Variants in TTL observed in about 807,000 individuals in gnomAD.
TTL encodes tubulin--tyrosine ligase.
Under a neutral mutation model 41.1 loss-of-function variants are expected in TTL, and 10 were observed. The ratio of observed to expected loss-of-function variants is 0.24; its 90% CI spans 0.15 to 0.41. TTL has a LOEUF of 0.41. Among genes scored for constraint, TTL ranks in the 10% least tolerant of loss-of-function variants. TTL has a pLI of 1.00. For synonymous variants in TTL, 175 were observed against 175.5 expected, an observed-to-expected ratio of 1.00 and a Z score of 0.02; for missense variants, 367 against 460.4, an observed-to-expected ratio of 0.80 and a Z score of 1.86.
intron 2 of TTL, among the ~76,000 whole-genome samples, chr2:112,487,552 T>C (rs994307813): frequency 1.3e-5 from 2 of 152,200 alleles, no homozygotes; most frequent in African/African-American, 4.8e-5. Flanking sequence ...TTTGCAGTTA[T>C]AGTGAAGCAG....
At chr2:112,528,502 A>G (rs1420872542) in intron 6 of TTL, among the ~76,000 whole-genome samples, 179 bp from the exon 7 acceptor site, 1 of 152,146 alleles carries the variant, frequency 6.6e-6, no homozygotes, top group African/African-American at 2.4e-5. Flanking sequence ...TGGGAGGCTA[A>G]GGTGGGAGGA....
At chr2:112,502,402 C>CA (rs1017099569) in intron 4 of TTL, among the ~76,000 whole-genome samples, 1 of 151,920 alleles carries the variant, frequency 6.6e-6, no homozygotes, top group African/African-American at 2.4e-5. Flanking sequence ...TTTGAGAGGC[C>CA]AAGGTGGGTG....
At chr2:112,487,390 A>C (rs1681269998) in intron 2 of TTL, among the ~76,000 whole-genome samples, 1 of 152,230 alleles carries the variant, frequency 6.6e-6, no homozygotes, top group African/African-American at 2.4e-5. Context: ...GGAATCAGGA[A>C]TAGAAGTGGG....
Position 112,541,338 on chromosome 2 carries a change from A to G in TTL, c.*12543A>G, listed in dbSNP as rs536975217. On this transcript the variant is annotated 3_prime_UTR_variant, in exon 7 of 7. Transcript: ENST00000233336. Reference sequence around the variant, plus strand: ...GATCTGACAAGGACTAGTATAGGCTATATAAAGAACTACAACTACTCAGTT... The same window carrying G: ...GATCTGACAAGGACTAGTATAGGCTGTATAAAGAACTACAACTACTCAGTT... 1 of 152,174 alleles carries G rather than the reference A, an allele frequency of 6.6e-6. No individual in the cohort carries two copies. Among genetic ancestry groups the G allele is most frequent in the African/African-American group, 2.4e-5 (1 of 41,436 alleles). The allele number at this position is 152,174 out of a possible 1,614,324, so 9.4% of individuals were successfully genotyped here. A position where few individuals can be genotyped will look rare whatever the true frequency, so the allele number is the denominator to read the frequency against.
intron 1 of TTL, 28 bp from the exon 2 acceptor site, chr2:112,485,889 C>A: frequency 6.4e-7 from 1 of 1,573,752 alleles, no homozygotes; most frequent in Non-Finnish European, 8.5e-7. Context: ...GTCCTGTGTC[C>A]CTTCTGAGCC....
At chr2:112,517,534 C>T (rs1682101945) in intron 5 of TTL, among the ~76,000 whole-genome samples, 1 of 151,812 alleles carries the variant, frequency 6.6e-6, no homozygotes, top group Non-Finnish European at 1.5e-5. Flanking sequence ...CGGGCATGAG[C>T]CACTGTGTCC....
At chr2:112,485,853 C>A in intron 1 of TTL, 64 bp from the exon 2 acceptor site, 1 of 1,401,164 alleles carries the variant, frequency 7.1e-7, no homozygotes, top group Non-Finnish European at 9.8e-7. Context: ...GGGCATGACA[C>A]AGCTGTCCTC....
Position 112,516,629 on chromosome 2 carries a change from G to A in TTL, c.876-3653G>A, listed in dbSNP as rs186950923. Among the ~76,000 whole-genome samples, 5 of 152,182 alleles carry A rather than the reference G, an allele frequency of 3.3e-5. No individual in the cohort carries two copies. In the South Asian group the frequency reaches 1.0e-3, roughly 32 times the overall value. On this transcript the variant is annotated intron_variant, in intron 5 of 6. Transcript: ENST00000233336. ...GTGGAGGTTGCAGTGAGCCAAGATC[G>A]CATCACTGCACTCCAGCCTGAGCAA...
At chr2:112,483,481 C>T (rs1237311373) in intron 1 of TTL, 1 of 152,218 alleles carries the variant, frequency 6.6e-6, no homozygotes, top group African/African-American at 2.4e-5. Flanking sequence ...AATTGTATTC[C>T]AAAGACAAGG....
chr2:112,529,124 A>C lies in TTL; in HGVS notation c.*329A>C, dbSNP rs765225972. 6.5e-5 allele frequency: 28 copies of C among 428,042 alleles called. No homozygotes were observed. Among genetic ancestry groups the C allele is most frequent in the African/African-American group, 4.1e-4 (21 of 51,156 alleles). 26.5% of individuals were successfully genotyped at this position (428,042 alleles called of 1,614,324 possible). A position where few individuals can be genotyped will look rare whatever the true frequency, so the allele number is the denominator to read the frequency against. Reference sequence around the variant, plus strand: ...CTGGTCGGTGCCTCCCACCCACTGCAGCCCTAGTGCCTTAGCTCCATGCCC... The same window carrying C: ...CTGGTCGGTGCCTCCCACCCACTGCCGCCCTAGTGCCTTAGCTCCATGCCC... On this transcript the variant is annotated 3_prime_UTR_variant, in exon 7 of 7. Coordinates refer to ENST00000233336, the MANE Select transcript of TTL (RefSeq NM_153712.5).
chr2:112,497,945 T>C (rs959205593), intron 3 of TTL, among the ~76,000 whole-genome samples: 3 of 152,240 alleles, frequency 2.0e-5, no homozygotes, highest in Non-Finnish European at 4.4e-5. Flanking sequence ...AGTTCAGCCA[T>C]GTTACGGGAT....
At chr2:112,503,768 A>G (rs1001439349) in intron 5 of TTL, among the ~76,000 whole-genome samples, 6 of 141,172 alleles carry the variant, frequency 4.3e-5, no homozygotes, top group African/African-American at 7.9e-5. Context: ...GAAAAGTACA[A>G]TGTCAGTCTA....
chr2:112,525,952 A>G (rs905117393), intron 6 of TTL, among the ~76,000 whole-genome samples: 8 of 152,076 alleles, frequency 5.3e-5, no homozygotes, highest in Non-Finnish European at 1.0e-4. Context: ...TTATTTTGAG[A>G]TATGTCCCAT....
At chr2:112,499,076 G>T (rs966701535) in intron 3 of TTL, among the ~76,000 whole-genome samples, 1 of 152,106 alleles carries the variant, frequency 6.6e-6, no homozygotes, top group Non-Finnish European at 1.5e-5. Context: ...CCCAGCAGAG[G>T]CCAAGGCGGC....
chr2:112,529,970 A>T lies in TTL; in HGVS notation c.*1175A>T. ...CTTACTGGATTAACTAATACTTTAT[A>T]GGCTTTTCAGGAGGCCACATCACTA... On this transcript the variant is annotated 3_prime_UTR_variant, in exon 7 of 7. Transcript: ENST00000233336. The T allele has an allele frequency of 4.4e-6, 1 of 227,802 alleles. No individual in the cohort carries two copies. Among genetic ancestry groups the T allele is most frequent in the East Asian group, 6.3e-5 (1 of 15,912 alleles). 14.1% of individuals were successfully genotyped at this position (227,802 alleles called of 1,614,324 possible).
At chr2:112,490,331 T>G (rs1681348264) in intron 2 of TTL, among the ~76,000 whole-genome samples, 1 of 152,060 alleles carries the variant, frequency 6.6e-6, no homozygotes, top group South Asian at 2.1e-4. Flanking sequence ...GGCACAAGAA[T>G]CGCTTGAGCC....
chr2:112,498,484 C>T (rs6717635), intron 3 of TTL, among the ~76,000 whole-genome samples: 62,184 of 151,942 alleles, frequency 0.41, 12,958 homozygotes, highest in East Asian at 0.58. Context: ...ACAGACATAC[C>T]GTGTTCATGG....
At chr2:112,501,871 A>C (rs1371959273) in intron 4 of TTL, among the ~76,000 whole-genome samples, 1 of 53,676 alleles carries the variant, frequency 1.9e-5, no homozygotes, top group Non-Finnish European at 3.7e-5. Context: ...TGTGTCAAAA[A>C]AAAAAAAAAA....
At chr2:112,488,617 G>A (rs1681302512) in intron 2 of TTL, among the ~76,000 whole-genome samples, 1 of 152,040 alleles carries the variant, frequency 6.6e-6, no homozygotes. Flanking sequence ...AATTAGCTGG[G>A]TATGGTGGTG....
Sources: gnomAD v4.1 joint callset for allele counts (sites outside exome capture counted in the v4.1 genomes callset) on GRCh38, gnomAD v4.1.1 for gene constraint, MANE v1.5 for transcripts, NCBI Gene and HGNC (gene_info 2026-07-23, HGNC 2026-07-21) for gene names.